Variants in ROBO1 observed in about 807,000 individuals in gnomAD.
ROBO1 encodes the protein roundabout guidance receptor 1.
In ROBO1, 149 loss-of-function variants were observed where a neutral mutation model predicts 195.9. That is an observed-to-expected ratio of 0.76 (90% CI 0.67 to 0.87). The LOEUF (loss-of-function observed/expected upper bound fraction) is 0.87. Among genes scored for constraint, ROBO1 ranks in the 40% least tolerant of loss-of-function variants. The pLI is 0.00. For synonymous variants in ROBO1, 816 were observed against 733.2 expected, an observed-to-expected ratio of 1.11 and a Z score of -1.82; for missense variants, 1,933 against 2,068.3, an observed-to-expected ratio of 0.93 and a Z score of 1.27.
At chr3:78,915,217 T>C (rs903125154) in intron 4 of ROBO1, among the ~76,000 whole-genome samples, 2 of 152,136 alleles carry the variant, frequency 1.3e-5, no homozygotes, top group Admixed American at 1.3e-4. Context: ...GATTCAGACT[T>C]ACCTAAGATT....
chr3:79,277,194 G>A (rs1038248749), intron 2 of ROBO1, among the ~76,000 whole-genome samples: 2 of 152,038 alleles, frequency 1.3e-5, no homozygotes, highest in Non-Finnish European at 2.9e-5. Context: ...ACTATTCACA[G>A]TAGCTAAGAT....
intron 2 of ROBO1, among the ~76,000 whole-genome samples, chr3:79,568,700 T>C (rs1156625791): frequency 6.6e-6 from 1 of 152,014 alleles, no homozygotes; most frequent in Admixed American, 6.6e-5. Context: ...TCAAGGGGAA[T>C]CATTTTCTAC....
At chr3:78,942,232 C>T (rs926751901) in intron 3 of ROBO1, among the ~76,000 whole-genome samples, 1 of 151,870 alleles carries the variant, frequency 6.6e-6, no homozygotes, top group African/African-American at 2.4e-5. Context: ...CCTGGGAAGT[C>T]GAGGCTGCAG....
At chr3:79,752,345 G>A (rs996401544) in intron 1 of ROBO1, among the ~76,000 whole-genome samples, 3 of 152,092 alleles carry the variant, frequency 2.0e-5, no homozygotes, top group Non-Finnish European at 4.4e-5. Context: ...TAAAACCTAT[G>A]TTTAAAGCAC....
At chr3:79,764,328 G>T (rs1704868875) in intron 1 of ROBO1, among the ~76,000 whole-genome samples, 1 of 152,182 alleles carries the variant, frequency 6.6e-6, no homozygotes, top group African/African-American at 2.4e-5. Flanking sequence ...CACTTCAACA[G>T]CAAGTTTAGA....
chr3:78,701,116 T>C (rs1195292942), intron 8 of ROBO1, among the ~76,000 whole-genome samples: 1 of 152,232 alleles, frequency 6.6e-6, no homozygotes, highest in Non-Finnish European at 1.5e-5. Flanking sequence ...TTGGATGACT[T>C]GTTTGTAATT....
chr3:78,661,917 T>C (rs1707427984), intron 15 of ROBO1, 76 bp downstream of exon 15: 5 of 1,472,248 alleles, frequency 3.4e-6, no homozygotes, highest in Non-Finnish European at 4.6e-6. Flanking sequence ...AGGCAACAGA[T>C]AGTTACATTT....
chr3:79,548,840 C>G (rs11922030), intron 2 of ROBO1, among the ~76,000 whole-genome samples: 1 of 152,070 alleles, frequency 6.6e-6, no homozygotes, highest in African/African-American at 2.4e-5. Flanking sequence ...GTTTTTGAAT[C>G]ATTGCTTGCT....
At chr3:79,612,462 C>T (rs1176984828) in intron 1 of ROBO1, among the ~76,000 whole-genome samples, 2 of 151,866 alleles carry the variant, frequency 1.3e-5, no homozygotes, top group Admixed American at 6.6e-5. Flanking sequence ...CAAGTCTTTG[C>T]TATTGTGACT....
chr3:79,275,099 G>A lies in ROBO1; in HGVS notation c.89-149560C>T, dbSNP rs528115223. On this transcript the variant is annotated intron_variant, in intron 2 of 30. Transcript: ENST00000464233. ...CCTACTTAAACTATTTCAAAAACTA[G>A]AGTAATAAGGAATACTTCCAAACTG... 3.8e-4 allele frequency among the ~76,000 whole-genome samples: 58 copies of A among 151,948 alleles called. 1 individual carries two copies. The highest frequency in any genetic ancestry group is 1.4e-3 in the African/African-American group (57 of 41,488).
At chr3:79,512,393 C>T (rs1306040973) in intron 2 of ROBO1, among the ~76,000 whole-genome samples, 1 of 152,054 alleles carries the variant, frequency 6.6e-6, no homozygotes, top group Admixed American at 6.6e-5. Context: ...ATTAGAATAG[C>T]TTATCTATTT....
intron 3 of ROBO1, among the ~76,000 whole-genome samples, chr3:79,068,812 AT>A (rs1204979204): frequency 2.0e-5 from 3 of 151,802 alleles, no homozygotes; most frequent in Non-Finnish European, 4.4e-5. Flanking sequence ...GAAATGACCA[AT>A]TTCCCTACTT....
intron 3 of ROBO1, among the ~76,000 whole-genome samples, chr3:78,988,123 A>G (rs1425929495): frequency 2.0e-5 from 3 of 152,142 alleles, no homozygotes; most frequent in Non-Finnish European, 2.9e-5. Context: ...AGCTGTGATC[A>G]TGTACACAAC....
At chr3:78,862,308 GA>G (rs895602169) in intron 4 of ROBO1, among the ~76,000 whole-genome samples, 14 of 151,478 alleles carry the variant, frequency 9.2e-5, no homozygotes, top group East Asian at 1.9e-4. Flanking sequence ...ACAGGAGAGA[GA>G]AAAAAAATAG....
At chr3:79,049,456 C>G (rs1441142679) in intron 3 of ROBO1, among the ~76,000 whole-genome samples, 2 of 152,074 alleles carry the variant, frequency 1.3e-5, no homozygotes, top group Non-Finnish European at 2.9e-5. Context: ...AGAATGAAAC[C>G]AAGTTAGAAA....
chr3:79,676,397 G>A (rs1484798156), intron 1 of ROBO1, among the ~76,000 whole-genome samples: 1 of 151,924 alleles, frequency 6.6e-6, no homozygotes, highest in Non-Finnish European at 1.5e-5. Flanking sequence ...AATTAATTGG[G>A]TCCTCTGCTG....
At chr3:79,425,260 C>T (rs1470925340) in intron 2 of ROBO1, among the ~76,000 whole-genome samples, 2 of 152,096 alleles carry the variant, frequency 1.3e-5, no homozygotes, top group Non-Finnish European at 2.9e-5. Flanking sequence ...TAGAAACGGA[C>T]CACGCTTCCT....
intron 10 of ROBO1, among the ~76,000 whole-genome samples, chr3:78,676,127 A>T (rs957148093): frequency 6.6e-6 from 1 of 152,188 alleles, no homozygotes; most frequent in African/African-American, 2.4e-5. Context: ...TGTCTGTTAG[A>T]AGGAAAACTA....
intron 3 of ROBO1, among the ~76,000 whole-genome samples, chr3:78,945,343 G>A (rs2107730407): frequency 6.6e-6 from 1 of 152,242 alleles, no homozygotes; most frequent in South Asian, 2.1e-4. Context: ...CAATCAGACA[G>A]CAGCATTTGC....
Sources: gnomAD v4.1 joint callset for allele counts (sites outside exome capture counted in the v4.1 genomes callset) on GRCh38, gnomAD v4.1.1 for gene constraint, MANE v1.5 for transcripts, NCBI Gene and HGNC (gene_info 2026-07-23, HGNC 2026-07-21) for gene names.